Variants in PCBP3 observed in about 807,000 individuals in gnomAD.
PCBP3 encodes the protein poly(rC) binding protein 3.
A neutral mutation model predicts 52.7 loss-of-function variants in PCBP3; 25 were observed. The ratio of observed to expected loss-of-function variants is 0.47; its 90% CI spans 0.35 to 0.66. The LOEUF (loss-of-function observed/expected upper bound fraction) is 0.66. Ranked by LOEUF, PCBP3 falls within the 30% of genes least tolerant of loss-of-function variation. The pLI is 0.01. For synonymous variants in PCBP3, 162 were observed against 183.0 expected, an observed-to-expected ratio of 0.89 and a Z score of 0.93; for missense variants, 391 against 490.3, an observed-to-expected ratio of 0.80 and a Z score of 1.91.
At chr21:45,654,414 C>T (rs1159366544) in intron 1 of PCBP3, among the ~76,000 whole-genome samples, 4 of 144,906 alleles carry the variant, frequency 2.8e-5, no homozygotes, top group African/African-American at 1.0e-4. Context: ...GATCTCAGCT[C>T]ACTGCAGCCT....
intron 11 of PCBP3, among the ~76,000 whole-genome samples, chr21:45,912,453 T>C (rs925397752): frequency 6.6e-6 from 1 of 152,190 alleles, no homozygotes; most frequent in Non-Finnish European, 1.5e-5. Context: ...ATTGGAGGAC[T>C]TCTGGGCTTG....
At chr21:45,698,994 A>G (rs2082951416) in intron 2 of PCBP3, among the ~76,000 whole-genome samples, 2 of 152,188 alleles carry the variant, frequency 1.3e-5, no homozygotes, top group Non-Finnish European at 1.5e-5. Flanking sequence ...ATAGCAAGCT[A>G]TAAAACAGGT....
At chr21:45,932,331 A>C (rs973279183) in intron 15 of PCBP3, among the ~76,000 whole-genome samples, 1 of 147,482 alleles carries the variant, frequency 6.8e-6, no homozygotes, top group African/African-American at 2.5e-5. Context: ...GAATGAACAC[A>C]TCAGCCATGC....
At chr21:45,916,794 A>T (rs1266270582) in intron 12 of PCBP3, 1 of 151,368 alleles carries the variant, frequency 6.6e-6, no homozygotes, top group Non-Finnish European at 1.5e-5. Flanking sequence ...CGTGGTCTTC[A>T]CTCTCCCTTG....
chr21:45,661,162 T>C (rs2080364436), intron 1 of PCBP3, among the ~76,000 whole-genome samples: 1 of 152,220 alleles, frequency 6.6e-6, no homozygotes, highest in South Asian at 2.1e-4. Flanking sequence ...TATTTTTCAA[T>C]TTAAAAATAG....
At position 45,805,159 on chromosome 21, in the gene PCBP3, C is replaced by T. The variant is rs988709725; in HGVS notation, c.-125-44802C>T. On this transcript the variant is annotated intron_variant, in intron 4 of 17. Transcript: ENST00000681687. This position sits in a 1 kb window ranked among gnomAD's most constrained non-coding sequence, Gnocchi z 4.6. ...GCCATGGCTACCACATATGGCGCTTCCTAGCCGGGCACTATGCCACAGCCA... is the reference window on the plus strand; with the variant it reads ...GCCATGGCTACCACATATGGCGCTTTCTAGCCGGGCACTATGCCACAGCCA... 4.4e-4 allele frequency among the ~76,000 whole-genome samples: 67 copies of T among 152,200 alleles called. No homozygotes were observed. Among genetic ancestry groups the T allele is most frequent in the African/African-American group, 1.6e-3 (66 of 41,452 alleles).
At chr21:45,862,842 C>A (rs2094561649) in intron 5 of PCBP3, among the ~76,000 whole-genome samples, 1 of 152,226 alleles carries the variant, frequency 6.6e-6, no homozygotes. Flanking sequence ...CCCATTACCG[C>A]CCCTGAGTCT....
chr21:45,752,132 T>C (rs1215129110), intron 3 of PCBP3, among the ~76,000 whole-genome samples: 1 of 152,168 alleles, frequency 6.6e-6, no homozygotes, highest in Non-Finnish European at 1.5e-5. Context: ...ATTTTTATAG[T>C]CAAATTTATC....
chr21:45,746,946 G>GC (rs112464589), intron 3 of PCBP3, among the ~76,000 whole-genome samples: 9,388 of 56,104 alleles, frequency 0.17, 3,137 homozygotes, highest in African/African-American at 0.48. Flanking sequence ...TTGACGTAGC[G>GC]CACACGGTGT....
chr21:45,894,541 C>T (rs1354265717), intron 5 of PCBP3, among the ~76,000 whole-genome samples: 1 of 152,218 alleles, frequency 6.6e-6, no homozygotes, highest in Non-Finnish European at 1.5e-5. Flanking sequence ...AACTGATACT[C>T]TGCTCTCCTT....
chr21:45,675,031 C>G (rs1257213298), intron 2 of PCBP3, among the ~76,000 whole-genome samples: 1 of 152,230 alleles, frequency 6.6e-6, no homozygotes, highest in African/African-American at 2.4e-5. Context: ...TAGGGATGCC[C>G]TGGAGCCTGT....
At chr21:45,862,963 G>A (rs2094566096) in intron 5 of PCBP3, among the ~76,000 whole-genome samples, 1 of 152,184 alleles carries the variant, frequency 6.6e-6, no homozygotes, top group African/African-American at 2.4e-5. Flanking sequence ...TGTGCATCCT[G>A]TACCTCCTCT....
At chr21:45,878,614 G>T (rs1318005799) in intron 5 of PCBP3, among the ~76,000 whole-genome samples, 1 of 152,214 alleles carries the variant, frequency 6.6e-6, no homozygotes, top group East Asian at 1.9e-4. Flanking sequence ...AAACAGCGGT[G>T]CAGAAGCTCT....
At chr21:45,865,156 C>A (rs1340396871) in intron 5 of PCBP3, among the ~76,000 whole-genome samples, 1 of 152,234 alleles carries the variant, frequency 6.6e-6, no homozygotes, top group African/African-American at 2.4e-5. Context: ...GAAAGTCCCA[C>A]TTATTTTGAT....
intron 2 of PCBP3, among the ~76,000 whole-genome samples, chr21:45,709,222 G>A (rs1407365682): frequency 2.6e-5 from 4 of 152,150 alleles, no homozygotes; most frequent in Admixed American, 2.6e-4. Flanking sequence ...CGGAACATTC[G>A]GCCTCTTAAG....
intron 5 of PCBP3, among the ~76,000 whole-genome samples, chr21:45,866,610 T>C (rs1249383493): frequency 6.6e-6 from 1 of 152,066 alleles, no homozygotes; most frequent in African/African-American, 2.4e-5. Flanking sequence ...CAGATGGCCT[T>C]AGGGGAGGAG....
In PCBP3 at chr21:45,902,775, GCA is replaced by G. The variant is rs547295253; in HGVS notation, c.339+1665_339+1666del. The stretch of plus-strand genomic sequence containing the variant: ...CGCTCTGCAGGTAACATGTGCAGTG[GCA>G]CAGACGCCAGCATGGCTGGCCAGCA... On this transcript the variant is annotated intron_variant, in intron 9 of 17. Coordinates refer to ENST00000681687, the MANE Select transcript of PCBP3 (RefSeq NM_001384156.1). 3.5e-4 allele frequency among the ~76,000 whole-genome samples: 53 copies of G among 152,372 alleles called. 1 individual carries two copies. The East Asian group carries it at 7.9e-3, about 23-fold the overall frequency.
intron 2 of PCBP3, among the ~76,000 whole-genome samples, chr21:45,707,808 G>A (rs2083554002): frequency 1.3e-5 from 2 of 152,216 alleles, no homozygotes; most frequent in Admixed American, 6.5e-5. Flanking sequence ...CAGGGAGAGA[G>A]TGGGGCCATC....
At chr21:45,771,793 AAAG>A (rs1303541453) in intron 4 of PCBP3, among the ~76,000 whole-genome samples, 2 of 152,214 alleles carry the variant, frequency 1.3e-5, no homozygotes, top group East Asian at 3.9e-4. Context: ...TGGAATTGAA[AAAG>A]AAGAAGTAAA....
Sources: allele counts gnomAD v4.1 joint callset (sites outside exome capture counted in the v4.1 genomes callset), GRCh38; gene constraint gnomAD v4.1.1; non-coding constraint Gnocchi (gnomAD v3.1); transcripts MANE v1.5; gene names NCBI Gene and HGNC (gene_info 2026-07-23, HGNC 2026-07-21).